Variants in ALK observed in about 807,000 individuals in gnomAD.
ALK encodes the protein ALK tyrosine kinase receptor.
In ALK, 74 loss-of-function variants were observed where a neutral mutation model predicts 163.1. The ratio of observed to expected loss-of-function variants is 0.45; its 90% CI spans 0.38 to 0.55. ALK has a LOEUF of 0.55. ALK is among the 20% of genes least tolerant of loss of function. ALK has a pLI of 0.00. For synonymous variants in ALK, 960 were observed against 843.2 expected (o/e 1.14, Z -2.40); for missense variants, 2,063 against 2,105.3 (o/e 0.98, Z 0.39).
rs761568836 is a variant in ALK, at chr2:29,233,635, C to A, written c.2417G>T (p.Arg806Leu). 1 of 1,614,220 alleles carries A rather than the reference C, an allele frequency of 6.2e-7. No homozygotes were observed. Residue 806 changes from arginine to leucine, a missense_variant, in exon 14 of 29, where the codon CGT (arginine) becomes CTT (leucine). Transcript: ENST00000389048. ...GENNVIEEEI[R>L]VNRSVHEWAG... ...CCACTCATGCACGCTTCTGTTCACA[C>A]GGATTTCTTCTTCTATCACATTGTT...
At chr2:29,627,422 GGTA>G (rs1442546783) in intron 3 of ALK, among the ~76,000 whole-genome samples, 3 of 152,132 alleles carry the variant, frequency 2.0e-5, no homozygotes. Flanking sequence ...TTAGATGGCT[GGTA>G]GCCCATTTCC....
At chr2:29,364,593 T>C (rs1668459775) in intron 5 of ALK, among the ~76,000 whole-genome samples, 1 of 152,092 alleles carries the variant, frequency 6.6e-6, no homozygotes, top group African/African-American at 2.4e-5. Context: ...CAGTGTAGGG[T>C]CCTTGCTAAG....
chr2:29,330,571 G>A (rs1027445875), intron 5 of ALK, among the ~76,000 whole-genome samples: 30 of 152,206 alleles, frequency 2.0e-4, no homozygotes, highest in African/African-American at 6.3e-4. Flanking sequence ...TTCAGTAGGC[G>A]GAATAGCAGA....
intron 3 of ALK, among the ~76,000 whole-genome samples, chr2:29,585,789 G>C (rs778970727): frequency 3.3e-5 from 5 of 150,904 alleles, no homozygotes; most frequent in Non-Finnish European, 5.9e-5. Flanking sequence ...GTTTTGCTTT[G>C]GTATTTTTTT....
At chr2:29,874,935 A>G (rs1024793896) in intron 1 of ALK, among the ~76,000 whole-genome samples, 1 of 152,188 alleles carries the variant, frequency 6.6e-6, no homozygotes, top group Non-Finnish European at 1.5e-5. Context: ...TCACCTAAAG[A>G]GCTTTAGAAA....
chr2:29,414,368 A>C (rs1669814299), intron 4 of ALK, among the ~76,000 whole-genome samples: 1 of 152,190 alleles, frequency 6.6e-6, no homozygotes, highest in African/African-American at 2.4e-5. Flanking sequence ...GGCAAAACGG[A>C]CCCAGAAATT....
At chr2:29,580,840 T>C (rs67075313) in intron 3 of ALK, among the ~76,000 whole-genome samples, 18,469 of 152,148 alleles carry the variant, frequency 0.12, 1,499 homozygotes, top group Non-Finnish European at 0.19. Context: ...GGTTCAGCAG[T>C]GGTCAGCTCT....
chr2:29,836,933 T>C (rs987148316), intron 1 of ALK, among the ~76,000 whole-genome samples: 1 of 152,228 alleles, frequency 6.6e-6, no homozygotes, highest in Non-Finnish European at 1.5e-5. Flanking sequence ...CTATGTGTCC[T>C]AGTGCAAACA....
intron 5 of ALK, among the ~76,000 whole-genome samples, chr2:29,377,491 A>G (rs78240128): frequency 0.016 from 2,486 of 151,292 alleles, 65 homozygotes; most frequent in African/African-American, 0.058. Flanking sequence ...AAAAAAAAAA[A>G]AGAGAGAGCT....
intron 3 of ALK, among the ~76,000 whole-genome samples, chr2:29,617,301 G>C (rs1290093664): frequency 6.6e-6 from 1 of 152,188 alleles, no homozygotes; most frequent in Non-Finnish European, 1.5e-5. Context: ...CTGAAGGAAG[G>C]AGAGCTCCTC....
intron 4 of ALK, among the ~76,000 whole-genome samples, chr2:29,459,715 A>G (rs1449182543): frequency 6.6e-6 from 1 of 152,164 alleles, no homozygotes; most frequent in Non-Finnish European, 1.5e-5. Flanking sequence ...GCATACAAAT[A>G]AAAGCCAAAA....
chr2:29,884,568 A>G (rs1396380853), intron 1 of ALK, among the ~76,000 whole-genome samples: 1 of 152,228 alleles, frequency 6.6e-6, no homozygotes, highest in Non-Finnish European at 1.5e-5. Context: ...TAAAGCTTTT[A>G]TATGAATGCA....
At chr2:29,702,747 A>C (rs988593351) in intron 2 of ALK, among the ~76,000 whole-genome samples, 28 of 152,380 alleles carry the variant, frequency 1.8e-4, no homozygotes, top group Non-Finnish European at 2.5e-4. Flanking sequence ...ACATGGCAGC[A>C]GGCAAGAGTG....
intron 8 of ALK, among the ~76,000 whole-genome samples, chr2:29,315,807 G>A (rs916309281): frequency 2.0e-5 from 3 of 152,154 alleles, no homozygotes; most frequent in Non-Finnish European, 4.4e-5. Flanking sequence ...GATAGTGTAC[G>A]ATGACTTTAA....
chr2:29,262,070 T>A (rs778185514), intron 11 of ALK, among the ~76,000 whole-genome samples: 11 of 152,208 alleles, frequency 7.2e-5, no homozygotes, highest in Non-Finnish European at 1.5e-4. Context: ...TTATGGTACA[T>A]TTCTCCTCCA....
At chr2:29,532,668 T>A (rs1348006805) in intron 3 of ALK, among the ~76,000 whole-genome samples, 1 of 152,076 alleles carries the variant, frequency 6.6e-6, no homozygotes, top group Non-Finnish European at 1.5e-5. Flanking sequence ...CATGGCAGAG[T>A]TTCCCTCTGG....
intron 3 of ALK, among the ~76,000 whole-genome samples, chr2:29,540,595 A>ATTTTTT (rs766415504): frequency 4.9e-5 from 7 of 144,168 alleles, no homozygotes; most frequent in South Asian, 2.2e-4. Context: ...TTTTTTTTAA[A>ATTTTTT]AAAAAAAAAC....
chr2:29,425,625 A>G (rs1670117175), intron 4 of ALK, among the ~76,000 whole-genome samples: 1 of 152,190 alleles, frequency 6.6e-6, no homozygotes, highest in Non-Finnish European at 1.5e-5. Context: ...CACTCTGACC[A>G]TAATGTAGGG....
chr2:29,479,842 C>A lies in ALK; in HGVS notation c.1154+52073G>T, dbSNP rs528792524. On this transcript the variant is annotated intron_variant, in intron 4 of 28. Coordinates refer to ENST00000389048, the MANE Select transcript of ALK (RefSeq NM_004304.5). ...GGAAGATCTGGAAGATAACATTCTT[C>A]TCAGGGGTGGAAAGGATAGGTTCAG... 2.6e-5 allele frequency among the ~76,000 whole-genome samples: 4 copies of A among 152,322 alleles called. No homozygotes were observed. In the East Asian group the frequency reaches 7.7e-4, roughly 29 times the overall value.
Sources: allele counts gnomAD v4.1 joint callset (sites outside exome capture counted in the v4.1 genomes callset), GRCh38; gene constraint gnomAD v4.1.1; transcripts MANE v1.5; gene names NCBI Gene and HGNC (gene_info 2026-07-23, HGNC 2026-07-21).